Variants in QRICH1 observed in about 807,000 individuals in gnomAD.
QRICH1 encodes the protein glutamine rich 1, also known as transcriptional regulator QRICH1.
Under a neutral mutation model 87.1 loss-of-function variants are expected in QRICH1, and 16 were observed. The ratio of observed to expected loss-of-function variants is 0.18; its 90% CI spans 0.12 to 0.28. The LOEUF (loss-of-function observed/expected upper bound fraction) is 0.28, where lower values mean the gene tolerates loss of function less well. Among genes scored for constraint, QRICH1 ranks in the 10% least tolerant of loss-of-function variants. QRICH1 has a pLI of 1.00. For synonymous variants in QRICH1, 367 were observed against 368.4 expected, an observed-to-expected ratio of 1.00 and a Z score of 0.05; for missense variants, 647 against 951.7, an observed-to-expected ratio of 0.68 and a Z score of 4.21.
rs2093223622 is a variant in QRICH1 at position 49,029,921 on chromosome 3, A to C, written c.*531T>G. 1 of 173,784 alleles carries C rather than the reference A, an allele frequency of 5.8e-6. No individual in the cohort carries two copies. The highest frequency in any genetic ancestry group is 1.2e-5 in the Non-Finnish European group (1 of 80,660). The allele number at this position is 173,784 out of a possible 1,614,324, so 10.8% of individuals were successfully genotyped here. On this transcript the variant is annotated 3_prime_UTR_variant, in exon 10 of 10. Coordinates refer to ENST00000395443, the MANE Select transcript of QRICH1 (RefSeq NM_198880.3). ...TTACATCTAAAATGTCACTTGTCATAAAGGAGGGTGTAATAGAAATTGTCT... is the reference window on the plus strand; with the variant it reads ...TTACATCTAAAATGTCACTTGTCATCAAGGAGGGTGTAATAGAAATTGTCT...
At chr3:49,052,502 C>A (rs775467661) in intron 3 of QRICH1, among the ~76,000 whole-genome samples, 2 of 151,936 alleles carry the variant, frequency 1.3e-5, no homozygotes, top group Admixed American at 6.6e-5. Context: ...CTCAATTCTG[C>A]CCCTTTTTTG....
intron 2 of QRICH1, among the ~76,000 whole-genome samples, chr3:49,068,399 G>C (rs2106946682): frequency 6.6e-6 from 1 of 151,458 alleles, no homozygotes; most frequent in East Asian, 2.0e-4. Flanking sequence ...TGAAGTTGCA[G>C]TGAGCCTCTG....
chr3:49,041,444 T>C (rs910340604), intron 6 of QRICH1, among the ~76,000 whole-genome samples: 1 of 151,988 alleles, frequency 6.6e-6, no homozygotes, highest in Non-Finnish European at 1.5e-5. Flanking sequence ...CCTCTCACCA[T>C]GGCCTCCCGA....
chr3:49,034,070 T>C (rs923135148), intron 6 of QRICH1, among the ~76,000 whole-genome samples: 3 of 114,868 alleles, frequency 2.6e-5, no homozygotes, highest in Non-Finnish European at 5.1e-5. Flanking sequence ...CTGATACTCT[T>C]TGGGGGATTT....
intron 3 of QRICH1, 193 bp downstream of exon 3, chr3:49,056,669 G>A (rs2093404117): frequency 1.9e-6 from 2 of 1,064,888 alleles, no homozygotes; most frequent in Non-Finnish European, 2.7e-6. Flanking sequence ...TTTACCTCCA[G>A]GTACCAGGAT....
chr3:49,080,893 A>G (rs2042045113), intron 1 of QRICH1, among the ~76,000 whole-genome samples: 1 of 140,360 alleles, frequency 7.1e-6, no homozygotes. Flanking sequence ...AAAACAGCTA[A>G]GTATGCTTTG....
At chr3:49,053,501 A>AT (rs1179593619) in intron 3 of QRICH1, among the ~76,000 whole-genome samples, 1 of 151,556 alleles carries the variant, frequency 6.6e-6, no homozygotes, top group African/African-American at 2.4e-5. Context: ...AAAAAAAAAA[A>AT]AAAACAAGTC....
chr3:49,057,908 C>A lies in QRICH1; in HGVS notation c.310-18G>T, dbSNP rs766527480. 2.5e-6 allele frequency: 4 copies of A among 1,613,942 alleles called. No individual in the cohort carries two copies. The highest frequency in any genetic ancestry group is 3.4e-6 in the Non-Finnish European group (4 of 1,179,998). On this transcript the variant is annotated intron_variant, in intron 2 of 9. Transcript: ENST00000395443. The surrounding 1 kb of genome is among the most constrained non-coding windows in gnomAD (Gnocchi z 5.4). ...ACCTGGACCTGTAAGCAACAAGATTCATCAGTGAGTGAACCAGGCAGCACT... is the reference window on the plus strand; with the variant it reads ...ACCTGGACCTGTAAGCAACAAGATTAATCAGTGAGTGAACCAGGCAGCACT...
Position 49,051,594 on chromosome 3 carries a change from C to T in QRICH1, c.1339-4348G>A, listed in dbSNP as rs561390337. ...TAGAACCCCCCCTGCGCCCCCCCCC[C>T]CCTCCGCTTAATATACCTAGTGGGT... On this transcript the variant is annotated intron_variant, in intron 3 of 9. Coordinates refer to ENST00000395443, the MANE Select transcript of QRICH1 (RefSeq NM_198880.3). 5.8e-4 allele frequency among the ~76,000 whole-genome samples: 81 copies of T among 140,364 alleles called. 1 individual carries two copies. The highest frequency in any genetic ancestry group is 1.9e-3 in the African/African-American group (72 of 37,744). The allele number at this position is 140,364 out of a possible 152,430, so 92.1% of individuals were successfully genotyped here. A position where few individuals can be genotyped will look rare whatever the true frequency, so the allele number is the denominator to read the frequency against.
At chr3:49,051,350 CTGATA>C (rs967794734) in intron 3 of QRICH1, among the ~76,000 whole-genome samples, 1 of 152,184 alleles carries the variant, frequency 6.6e-6, no homozygotes. Flanking sequence ...GCTCGGCTTC[CTGATA>C]TATCATCCTC....
At chr3:49,058,022 C>T (rs752395233) in intron 2 of QRICH1, 132 bp from the exon 3 acceptor site, 1 of 1,475,052 alleles carries the variant, frequency 6.8e-7, no homozygotes, top group East Asian at 2.4e-5. Flanking sequence ...CTCAAGGCTT[C>T]TGAGAAGGAC....
intron 2 of QRICH1, among the ~76,000 whole-genome samples, chr3:49,062,215 AT>A: frequency 6.6e-6 from 1 of 151,842 alleles, no homozygotes; most frequent in Non-Finnish European, 1.5e-5. Flanking sequence ...CATGCTTGTA[AT>A]CCCAGCTACT....
intron 2 of QRICH1, among the ~76,000 whole-genome samples, chr3:49,066,113 C>T (rs1169321835): frequency 1.3e-5 from 2 of 152,014 alleles, no homozygotes; most frequent in African/African-American, 2.4e-5. Flanking sequence ...GGTGAAACCC[C>T]GTCTCTACCA....
intron 3 of QRICH1, among the ~76,000 whole-genome samples, chr3:49,051,086 T>C (rs1345435117): frequency 6.6e-6 from 1 of 152,184 alleles, no homozygotes; most frequent in Non-Finnish European, 1.5e-5. Context: ...TTCTCTGATT[T>C]CCATAGACCT....
chr3:49,032,411 A>T, intron 8 of QRICH1, 138 bp from the exon 9 acceptor site: 1 of 840,510 alleles, frequency 1.2e-6, no homozygotes, highest in Non-Finnish European at 1.9e-6. Flanking sequence ...AGGCATGGGC[A>T]GTGACTACTA....
intron 6 of QRICH1, among the ~76,000 whole-genome samples, chr3:49,035,155 A>G (rs2093267261): frequency 6.6e-6 from 1 of 152,134 alleles, no homozygotes; most frequent in Non-Finnish European, 1.5e-5. Context: ...AGCCCTTCTC[A>G]GCAAAGAAGG....
At chr3:49,069,101 A>ATTT (rs1340493320) in intron 2 of QRICH1, among the ~76,000 whole-genome samples, 21 of 87,400 alleles carry the variant, frequency 2.4e-4, no homozygotes, top group South Asian at 1.1e-3. Context: ...TATTATTATT[A>ATTT]TTATTATTTT....
intron 1 of QRICH1, chr3:49,092,460 A>G (rs910496779): frequency 2.6e-5 from 4 of 152,050 alleles, no homozygotes; most frequent in African/African-American, 9.7e-5. Flanking sequence ...TAATATTCTG[A>G]AGAAGATAGA....
Position 49,057,008 on chromosome 3 carries a change from C to G in QRICH1, c.1192G>C (p.Ala398Pro). Reference protein sequence around the residue: ...FMNGNIHIPVAVQAVAGTYQN... With the variant: ...FMNGNIHIPVPVQAVAGTYQN... ...TACGTGCCTGCCACAGCCTGCACAG[C>G]CACTGGAATGTGGATGTTGCCATTC... is the stretch of plus-strand genomic sequence containing the variant. Residue 398 changes from alanine (A) to proline (P), a missense_variant, in exon 3 of 10, where the codon GCT becomes CCT. By Grantham distance (27) the Ala-to-Pro change is conservative. Transcript: ENST00000395443. This position sits in a 1 kb window ranked among gnomAD's most constrained non-coding sequence, Gnocchi z 5.4. 6.2e-7 allele frequency: 1 copy of G among 1,614,184 alleles called. No homozygotes were observed. Among genetic ancestry groups the G allele is most frequent in the Non-Finnish European group, 8.5e-7 (1 of 1,180,038 alleles).
Sources: gnomAD v4.1 joint callset for allele counts (sites outside exome capture counted in the v4.1 genomes callset) on GRCh38, gnomAD v4.1.1 for gene constraint, Gnocchi (gnomAD v3.1) non-coding constraint, MANE v1.5 for transcripts, NCBI Gene and HGNC (gene_info 2026-07-23, HGNC 2026-07-21) for gene names.